The following CSMD1 variants were observed in gnomAD, a reference collection of about 807,000 sequenced individuals.
The protein encoded by CSMD1 is CUB and sushi domain-containing protein 1.
Under a neutral mutation model 417.5 loss-of-function variants are expected in CSMD1, and 213 were observed. That is an observed-to-expected ratio of 0.51 (90% CI 0.46 to 0.57). The LOEUF (loss-of-function observed/expected upper bound fraction) is 0.57, where lower values mean the gene tolerates loss of function less well. Ranked by LOEUF, CSMD1 falls within the 20% of genes least tolerant of loss-of-function variation. The pLI, the probability that CSMD1 is intolerant of heterozygous loss-of-function variation, is 0.00. For missense variants in CSMD1, 6,923 were observed against 4,529.7 expected (o/e 1.53, Z -15.17); for synonymous variants, 2,862 against 1,736.8 (o/e 1.65, Z -16.11).
At chr8:3,805,092 ACC>A (rs869055434) in intron 5 of CSMD1, among the ~76,000 whole-genome samples, 1 of 142,054 alleles carries the variant, frequency 7.0e-6, no homozygotes, top group African/African-American at 2.4e-5. Flanking sequence ...TACTACGGGA[ACC>A]CCACTGTTAT....
intron 1 of CSMD1, among the ~76,000 whole-genome samples, chr8:4,838,562 G>A (rs967774485): frequency 6.6e-6 from 1 of 152,224 alleles, no homozygotes; most frequent in Non-Finnish European, 1.5e-5. Context: ...CACCTGGGTG[G>A]GGGTGCATGT....
At chr8:3,189,628 A>G (rs1232320474) in intron 34 of CSMD1, among the ~76,000 whole-genome samples, 1 of 152,196 alleles carries the variant, frequency 6.6e-6, no homozygotes. Flanking sequence ...TTTTTTCCCA[A>G]AATGAGATTA....
intron 3 of CSMD1, among the ~76,000 whole-genome samples, chr8:4,224,216 C>T (rs559562910): frequency 4.6e-5 from 4 of 86,538 alleles, no homozygotes; most frequent in East Asian, 3.5e-4. Flanking sequence ...GATCCAAGTC[C>T]TAAAAAGGCC....
intron 3 of CSMD1, among the ~76,000 whole-genome samples, chr8:4,113,804 C>G (rs541888640): frequency 6.6e-6 from 1 of 152,164 alleles, no homozygotes; most frequent in Non-Finnish European, 1.5e-5. Context: ...ACCAAACCAG[C>G]TACAACATTC....
chr8:3,361,274 T>C (rs1809148457), intron 20 of CSMD1, among the ~76,000 whole-genome samples: 1 of 152,128 alleles, frequency 6.6e-6, no homozygotes, highest in Admixed American at 6.5e-5. Flanking sequence ...ATTCTACTTC[T>C]ATCTAAGGAT....
chr8:3,209,584 G>C (rs1021105174), intron 30 of CSMD1, among the ~76,000 whole-genome samples: 1 of 152,122 alleles, frequency 6.6e-6, no homozygotes, highest in Non-Finnish European at 1.5e-5. Flanking sequence ...CTCCCAAAGT[G>C]CTGGAATTAC....
intron 5 of CSMD1, among the ~76,000 whole-genome samples, chr8:3,780,934 A>C (rs1419456498): frequency 6.6e-6 from 1 of 152,192 alleles, no homozygotes; most frequent in Non-Finnish European, 1.5e-5. Flanking sequence ...TGGCTTTCTA[A>C]ATGTAAAAAT....
At chr8:4,161,799 T>A (rs117219703) in intron 3 of CSMD1, among the ~76,000 whole-genome samples, 36 of 152,274 alleles carry the variant, frequency 2.4e-4, no homozygotes, top group Admixed American at 7.8e-4. Context: ...GAAACAAAAT[T>A]TGTTCATTTT....
chr8:4,692,776 C>A lies in CSMD1; in HGVS notation c.86-55218G>T, dbSNP rs150959729. On this transcript the variant is annotated intron_variant, in intron 1 of 69. Transcript: ENST00000635120. ...TGCCTAATTCTAGTTCCTATTGTTT[C>A]TTATACGGGCCCTCCCTGGAATTCT... Among the ~76,000 whole-genome samples, 923 of 152,272 alleles carry A rather than the reference C, an allele frequency of 6.1e-3. 6 individuals are homozygous for A. The highest frequency in any genetic ancestry group is 0.037 in the Middle Eastern group (11 of 294).
chr8:3,435,172 G>C (rs769480187), intron 12 of CSMD1, among the ~76,000 whole-genome samples: 4 of 152,208 alleles, frequency 2.6e-5, no homozygotes, highest in Admixed American at 2.0e-4. Context: ...CCAATGAGAA[G>C]TCAGAGGGCA....
chr8:4,186,745 G>C (rs1227846069), intron 3 of CSMD1, among the ~76,000 whole-genome samples: 1 of 151,902 alleles, frequency 6.6e-6, no homozygotes. Context: ...CCAGCAATTT[G>C]GGAAGCTGAG....
At chr8:3,696,958 A>G (rs562054558) in intron 7 of CSMD1, among the ~76,000 whole-genome samples, 1 of 152,156 alleles carries the variant, frequency 6.6e-6, no homozygotes, top group Non-Finnish European at 1.5e-5. Flanking sequence ...CGTGGACTAT[A>G]GAGTTTGGGA....
At chr8:4,213,596 C>G (rs978313151) in intron 3 of CSMD1, among the ~76,000 whole-genome samples, 1 of 152,176 alleles carries the variant, frequency 6.6e-6, no homozygotes. Flanking sequence ...AAAGAAAAAT[C>G]AAATGTCAGC....
At chr8:4,581,536 C>G (rs1266950774) in intron 2 of CSMD1, among the ~76,000 whole-genome samples, 1 of 152,144 alleles carries the variant, frequency 6.6e-6, no homozygotes, top group Non-Finnish European at 1.5e-5. Flanking sequence ...AAATACATAA[C>G]AGATTCATTT....
At chr8:4,942,872 A>T (rs767021609) in intron 1 of CSMD1, among the ~76,000 whole-genome samples, 9 of 152,244 alleles carry the variant, frequency 5.9e-5, no homozygotes, top group Admixed American at 5.9e-4. Flanking sequence ...TATCCAAAAC[A>T]TTCTATGAAA....
chr8:4,229,590 C>T (rs1037466587), intron 3 of CSMD1, among the ~76,000 whole-genome samples: 4 of 152,186 alleles, frequency 2.6e-5, no homozygotes, highest in African/African-American at 9.7e-5. Context: ...CCTGTTTCCA[C>T]TGCATGAAGG....
At chr8:4,053,773 T>A (rs1179434151) in intron 3 of CSMD1, among the ~76,000 whole-genome samples, 1 of 152,140 alleles carries the variant, frequency 6.6e-6, no homozygotes, top group African/African-American at 2.4e-5. Context: ...TTTGGGGGCT[T>A]AGATTAGAGA....
At chr8:4,518,712 A>G (rs879665499) in intron 2 of CSMD1, among the ~76,000 whole-genome samples, 3 of 152,078 alleles carry the variant, frequency 2.0e-5, no homozygotes, top group East Asian at 3.9e-4. Context: ...ACATGTATAC[A>G]TATGTAACTA....
chr8:4,165,451 G>A (rs565293946), intron 3 of CSMD1, among the ~76,000 whole-genome samples: 6 of 152,188 alleles, frequency 3.9e-5, no homozygotes, highest in African/African-American at 1.2e-4. Context: ...ATGTCGCCCA[G>A]GCTGAGTGCA....
Sources: gnomAD v4.1 joint callset for allele counts (sites outside exome capture counted in the v4.1 genomes callset) on GRCh38, gnomAD v4.1.1 for gene constraint, MANE v1.5 for transcripts, NCBI Gene and HGNC (gene_info 2026-07-23, HGNC 2026-07-21) for gene names.